Variants in FBXO31 observed in about 807,000 individuals in gnomAD.
FBXO31 encodes F-box protein 31.
Under a neutral mutation model 54.4 loss-of-function variants are expected in FBXO31, and 24 were observed. The observed-to-expected ratio is 0.44, with a 90% confidence interval of 0.32 to 0.62. The LOEUF is 0.62. FBXO31 is among the 20% of genes least tolerant of loss of function. The pLI is 0.05. For missense variants in FBXO31, 665 were observed against 787.1 expected (o/e 0.84, Z 1.86); for synonymous variants, 388 against 335.6 (o/e 1.16, Z -1.71).
intron 2 of FBXO31, among the ~76,000 whole-genome samples, chr16:87,350,838 A>C (rs1254211167): frequency 6.6e-6 from 1 of 152,220 alleles, no homozygotes; most frequent in Non-Finnish European, 1.5e-5. Flanking sequence ...TGGCAATCCC[A>C]AAGTGGGAGT....
At chr16:87,371,381 C>G (rs1906596953) in intron 1 of FBXO31, among the ~76,000 whole-genome samples, 1 of 152,234 alleles carries the variant, frequency 6.6e-6, no homozygotes, top group South Asian at 2.1e-4. Flanking sequence ...GTGGTCATCC[C>G]CGATACCACT....
rs1011802717 is a variant in FBXO31, at chr16:87,327,259, G to C, written c.*4029C>G. ...CACAGCCCTGACCCCCTCGTGCTCT[G>C]GCTGGTCTCCCGGTCAGCAGCCCCT... On this transcript the variant is annotated 3_prime_UTR_variant, in exon 9 of 9. Coordinates refer to ENST00000311635, the MANE Select transcript of FBXO31 (RefSeq NM_024735.5). The C allele has an allele frequency of 2.6e-5, 4 of 152,646 alleles. No individual in the cohort carries two copies. Among genetic ancestry groups the C allele is most frequent in the Admixed American group, 6.5e-5 (1 of 15,284 alleles). The allele number at this position is 152,646 out of a possible 1,614,324, so 9.5% of individuals were successfully genotyped here.
At chr16:87,332,140 G>A (rs1220921270) in intron 8 of FBXO31, among the ~76,000 whole-genome samples, 1 of 152,232 alleles carries the variant, frequency 6.6e-6, no homozygotes, top group Non-Finnish European at 1.5e-5. Flanking sequence ...AAAGGCCGGG[G>A]GAAAGAACAG....
At chr16:87,349,286 C>G (rs1905533332) in intron 2 of FBXO31, among the ~76,000 whole-genome samples, 1 of 152,166 alleles carries the variant, frequency 6.6e-6, no homozygotes, top group African/African-American at 2.4e-5. Flanking sequence ...GCAATCAAAA[C>G]AAGAACAGAA....
intron 2 of FBXO31, among the ~76,000 whole-genome samples, chr16:87,352,081 G>A (rs138084774): frequency 6.6e-6 from 1 of 152,308 alleles, no homozygotes; most frequent in East Asian, 1.9e-4. Flanking sequence ...CCAGGTGACT[G>A]TGATGTGTGG....
At chr16:87,339,679 C>T (rs565620561) in intron 5 of FBXO31, among the ~76,000 whole-genome samples, 8 of 152,296 alleles carry the variant, frequency 5.3e-5, no homozygotes, top group South Asian at 2.1e-4. Context: ...ATCACACAAA[C>T]GGCAGCACCC....
rs16942890 is a variant in FBXO31 at position 87,338,189 on chromosome 16, A to G, written c.733-1925T>C. On this transcript the variant is annotated intron_variant, in intron 5 of 8. Coordinates refer to ENST00000311635, the MANE Select transcript of FBXO31 (RefSeq NM_024735.5). The surrounding 1 kb of genome is among the most constrained non-coding windows in gnomAD (Gnocchi z 4.3). ...TACCCAGAATAAGGCCGTCCCAAGC[A>G]TGTTTATTATGAAATTACTCATCAG... is the stretch of plus-strand genomic sequence containing the variant. Among the ~76,000 whole-genome samples the G allele has an allele frequency of 0.013, 1,986 of 151,864 alleles. 48 individuals carry two copies. Among genetic ancestry groups the G allele is most frequent in the African/African-American group, 0.046 (1,898 of 41,358 alleles).
Position 87,335,405 on chromosome 16 carries a change from G to A in FBXO31, c.895C>T (p.Leu299Phe). The change falls in exon 7 of 9, where the codon CTC becomes TTC. Residue 299 changes from leucine (L) to phenylalanine (F), a missense_variant. Physicochemically the swap from Leu to Phe is conservative, Grantham distance 22 (BLOSUM62 0). This residue lies in a region of FBXO31 where 234 missense variants were observed against 346.8 expected (regional missense o/e 0.67). Transcript: ENST00000311635. This position sits in a 1 kb window ranked among gnomAD's most constrained non-coding sequence, Gnocchi z 5.7. Reference protein sequence around the residue: ...IYLPPSRPDDLIKPGLFKGTY... With the variant: ...IYLPPSRPDDFIKPGLFKGTY... ...CCTTTGAAGAGGCCAGGCTTGATGA[G>A]GTCGTCGGGGCGGCTGGGCGGCAGG... The A allele has an allele frequency of 6.2e-7, 1 of 1,613,926 alleles. No homozygotes were observed. The highest frequency in any genetic ancestry group is 8.5e-7 in the Non-Finnish European group (1 of 1,179,998).
chr16:87,346,736 C>T lies in FBXO31; in HGVS notation c.489+438G>A, dbSNP rs1905403849. Among the ~76,000 whole-genome samples the T allele has an allele frequency of 6.6e-6, 1 of 152,174 alleles. No homozygotes were observed. Among genetic ancestry groups the T allele is most frequent in the African/African-American group, 2.4e-5 (1 of 41,466 alleles). On this transcript the variant is annotated intron_variant, in intron 3 of 8. Coordinates refer to ENST00000311635, the MANE Select transcript of FBXO31 (RefSeq NM_024735.5). This position sits in a 1 kb window ranked among gnomAD's most constrained non-coding sequence, Gnocchi z 4.2. ...TTCGAGAGGCTCCAGTAGGAGGGCACAGGGGGCGGGAGGCAGGGTGGTCAG... is the reference window on the plus strand; with the variant it reads ...TTCGAGAGGCTCCAGTAGGAGGGCATAGGGGGCGGGAGGCAGGGTGGTCAG...
intron 1 of FBXO31, chr16:87,367,911 C>A (rs1906437407): frequency 6.6e-6 from 1 of 152,212 alleles, no homozygotes; most frequent in Non-Finnish European, 1.5e-5. Flanking sequence ...GACTTAGTTT[C>A]ATGAATTTTC....
chr16:87,340,975 CAG>C (rs2063648697), intron 5 of FBXO31, among the ~76,000 whole-genome samples: 1 of 152,148 alleles, frequency 6.6e-6, no homozygotes, highest in Non-Finnish European at 1.5e-5. Flanking sequence ...CAAACAGAAA[CAG>C]AGGCACAGGC....
chr16:87,355,464 T>C (rs1905851492), intron 2 of FBXO31, among the ~76,000 whole-genome samples: 1 of 152,212 alleles, frequency 6.6e-6, no homozygotes, highest in Admixed American at 6.5e-5. Context: ...ATTGGCTTTC[T>C]TTTTTCACAC....
chr16:87,359,357 C>A (rs1906034167), intron 2 of FBXO31, among the ~76,000 whole-genome samples: 1 of 152,196 alleles, frequency 6.6e-6, no homozygotes, highest in African/African-American at 2.4e-5. Context: ...GGACTCAGTG[C>A]TCAGGCAACA....
chr16:87,364,101 A>T (rs572159612), intron 1 of FBXO31, among the ~76,000 whole-genome samples: 1 of 152,168 alleles, frequency 6.6e-6, no homozygotes, highest in East Asian at 1.9e-4. Flanking sequence ...GGTTATGTTG[A>T]TACAACACAA....
intron 2 of FBXO31, among the ~76,000 whole-genome samples, chr16:87,348,868 G>A (rs1184710084): frequency 6.6e-6 from 1 of 152,208 alleles, no homozygotes; most frequent in East Asian, 1.9e-4. Context: ...GGATCCCGCA[G>A]AACAACTGAG....
At position 87,382,197 on chromosome 16, in the gene FBXO31, C is replaced by T. The variant is rs527867887; in HGVS notation, c.340+1208G>A. Among the ~76,000 whole-genome samples, 10 of 152,342 alleles carry T rather than the reference C, an allele frequency of 6.6e-5. No individual in the cohort carries two copies. In the South Asian group the frequency reaches 2.1e-3, roughly 32 times the overall value. ...ATCAGTGAGGGACGAGTCTGTGCTA[C>T]ATGCAGGGAGTGAAATACTATGTAG... On this transcript the variant is annotated intron_variant, in intron 1 of 8. Coordinates refer to ENST00000311635, the MANE Select transcript of FBXO31 (RefSeq NM_024735.5).
rs147960061 is a variant in FBXO31 at position 87,375,294 on chromosome 16, G to C, written c.340+8111C>G. On this transcript the variant is annotated intron_variant, in intron 1 of 8. Coordinates refer to ENST00000311635, the MANE Select transcript of FBXO31 (RefSeq NM_024735.5). ...TGCACTCCAGCCTGGGTGACAGAGCGAGACGCCGTCTCAAAAAACAAAAAC... is the reference window on the plus strand; with the variant it reads ...TGCACTCCAGCCTGGGTGACAGAGCCAGACGCCGTCTCAAAAAACAAAAAC... Among the ~76,000 whole-genome samples, 1,247 of 151,132 alleles carry C rather than the reference G, an allele frequency of 8.3e-3. 11 individuals are homozygous for C. Among genetic ancestry groups the C allele is most frequent in the Middle Eastern group, 0.014 (4 of 294 alleles).
intron 2 of FBXO31, among the ~76,000 whole-genome samples, chr16:87,352,132 A>G (rs1461412885): frequency 6.6e-6 from 1 of 152,212 alleles, no homozygotes; most frequent in Non-Finnish European, 1.5e-5. Context: ...ATTCCACAAC[A>G]TACACAGATG....
In FBXO31 at chr16:87,383,344, G is replaced by C. The variant is rs550255330; in HGVS notation, c.340+61C>G. 1,202 of 1,362,450 alleles carry C rather than the reference G, an allele frequency of 8.8e-4. 2 individuals carry two copies. The highest frequency in any genetic ancestry group is 9.9e-4 in the Non-Finnish European group (1,006 of 1,013,750). The allele number at this position is 1,362,450 out of a possible 1,614,324, so 84.4% of individuals were successfully genotyped here. On this transcript the variant is annotated intron_variant, in intron 1 of 8. Coordinates refer to ENST00000311635, the MANE Select transcript of FBXO31 (RefSeq NM_024735.5). The surrounding 1 kb of genome is among the most constrained non-coding windows in gnomAD (Gnocchi z 4.9). ...CACCGCCCCCGCCACTCCCAGCTCCGAGGCCTCCACCTGGCAGGGACCCCC... is the reference window on the plus strand; with the variant it reads ...CACCGCCCCCGCCACTCCCAGCTCCCAGGCCTCCACCTGGCAGGGACCCCC...
Sources: gnomAD v4.1 joint callset for allele counts (sites outside exome capture counted in the v4.1 genomes callset) on GRCh38, gnomAD v4.1.1 for gene constraint, gnomAD v4.1.1 regional missense constraint, Gnocchi (gnomAD v3.1) non-coding constraint, MANE v1.5 for transcripts, NCBI Gene and HGNC (gene_info 2026-07-23, HGNC 2026-07-21) for gene names.